Variants in RBMS3 observed in about 807,000 individuals in gnomAD.
The protein encoded by RBMS3 is RNA-binding motif, single-stranded-interacting protein 3.
Under a neutral mutation model 66.8 loss-of-function variants are expected in RBMS3, and 27 were observed. The ratio of observed to expected loss-of-function variants is 0.40; its 90% CI spans 0.30 to 0.56. The LOEUF (loss-of-function observed/expected upper bound fraction) is 0.56, where lower values mean the gene tolerates loss of function less well. Among genes scored for constraint, RBMS3 ranks in the 20% least tolerant of loss-of-function variants. The pLI is 0.40. For missense variants in RBMS3, 513 were observed against 549.5 expected, an observed-to-expected ratio of 0.93 and a Z score of 0.66; for synonymous variants, 188 against 183.0, an observed-to-expected ratio of 1.03 and a Z score of -0.22.
At chr3:29,500,324 A>G (rs2043919309) in intron 3 of RBMS3, among the ~76,000 whole-genome samples, 1 of 151,230 alleles carries the variant, frequency 6.6e-6, no homozygotes, top group Non-Finnish European at 1.5e-5. Context: ...TAACAAGTCA[A>G]AGATTCCCGT....
At chr3:29,762,877 A>G (rs1355119009) in intron 5 of RBMS3, 33 bp from the exon 6 acceptor site, 2 of 1,392,574 alleles carry the variant, frequency 1.4e-6, no homozygotes, top group South Asian at 1.2e-5. Flanking sequence ...CTTGACAACC[A>G]TATATGACCT....
intron 1 of RBMS3, among the ~76,000 whole-genome samples, chr3:29,389,379 G>T (rs1367516521): frequency 6.6e-6 from 1 of 152,148 alleles, no homozygotes; most frequent in Admixed American, 6.5e-5. Flanking sequence ...AGTGCGCTTG[G>T]CTTCTCTTGG....
intron 7 of RBMS3, among the ~76,000 whole-genome samples, chr3:29,876,742 C>T (rs1418931449): frequency 1.3e-5 from 2 of 151,876 alleles, no homozygotes; most frequent in African/African-American, 4.8e-5. Context: ...AATTTCCAGC[C>T]AAAAACCACC....
intron 5 of RBMS3, among the ~76,000 whole-genome samples, chr3:29,745,771 A>G (rs2149358007): frequency 6.6e-6 from 1 of 152,198 alleles, no homozygotes; most frequent in Non-Finnish European, 1.5e-5. Context: ...AATACTCTTA[A>G]TCTGATTCTC....
chr3:29,627,109 C>G (rs114861833), intron 4 of RBMS3, among the ~76,000 whole-genome samples: 1,584 of 152,232 alleles, frequency 0.01, 17 homozygotes, highest in Admixed American at 0.02. Context: ...GATGAAGTGA[C>G]TTCAGTTGCA....
rs182051003 is a variant in RBMS3, at chr3:29,432,644, C to T, written c.76-2099C>T. ...ATACTCATGTATGGTTTGACACATTCCCTGCTCTCAGGAAACACAGATTAC... is the reference window on the plus strand; with the variant it reads ...ATACTCATGTATGGTTTGACACATTTCCTGCTCTCAGGAAACACAGATTAC... On this transcript the variant is annotated intron_variant, in intron 1 of 14. Coordinates refer to ENST00000383767, the MANE Select transcript of RBMS3 (RefSeq NM_001003793.3). Among the ~76,000 whole-genome samples, 89 of 152,214 alleles carry T rather than the reference C, an allele frequency of 5.8e-4. 1 individual carries two copies. Among genetic ancestry groups the T allele is most frequent in the Middle Eastern group, 6.8e-3 (2 of 294 alleles).
At chr3:29,619,491 T>C (rs1165400483) in intron 4 of RBMS3, among the ~76,000 whole-genome samples, 1 of 152,098 alleles carries the variant, frequency 6.6e-6, no homozygotes, top group Non-Finnish European at 1.5e-5. Context: ...GATATAGGCA[T>C]GTAGTTGGGA....
chr3:29,855,535 T>C (rs1394417194), intron 6 of RBMS3, among the ~76,000 whole-genome samples: 4 of 152,220 alleles, frequency 2.6e-5, no homozygotes, highest in Non-Finnish European at 5.9e-5. Context: ...ATTTAGAATA[T>C]GTACAACTTG....
At chr3:29,806,315 G>T (rs565023114) in intron 6 of RBMS3, among the ~76,000 whole-genome samples, 2 of 151,918 alleles carry the variant, frequency 1.3e-5, no homozygotes, top group South Asian at 4.1e-4. Flanking sequence ...TCAGCTAAAT[G>T]ACAAAATGCT....
At chr3:29,645,442 A>C (rs893916163) in intron 4 of RBMS3, among the ~76,000 whole-genome samples, 10 of 152,234 alleles carry the variant, frequency 6.6e-5, no homozygotes, top group African/African-American at 2.4e-4. Flanking sequence ...TGTATAAGGA[A>C]CAATAATAAA....
At chr3:29,392,797 A>G (rs575425863) in intron 1 of RBMS3, among the ~76,000 whole-genome samples, 1 of 152,286 alleles carries the variant, frequency 6.6e-6, no homozygotes, top group African/African-American at 2.4e-5. Flanking sequence ...GGCAAGGATG[A>G]CAGAAGAGAA....
At chr3:29,703,890 A>G (rs9821192) in intron 4 of RBMS3, among the ~76,000 whole-genome samples, 19,412 of 152,124 alleles carry the variant, frequency 0.13, 2,695 homozygotes, top group African/African-American at 0.35. Context: ...AGCTGCTCCC[A>G]ATCACCCACA....
chr3:29,682,992 T>C (rs188567320), intron 4 of RBMS3, among the ~76,000 whole-genome samples: 2 of 152,354 alleles, frequency 1.3e-5, no homozygotes, highest in African/African-American at 2.4e-5. Flanking sequence ...GGGATAATAA[T>C]GTCCAGTTCA....
At chr3:29,365,480 A>G (rs1017619845) in intron 1 of RBMS3, among the ~76,000 whole-genome samples, 4 of 152,308 alleles carry the variant, frequency 2.6e-5, no homozygotes, top group Non-Finnish European at 5.9e-5. Context: ...ACTTCTTACA[A>G]TGGTGATTGA....
chr3:29,483,320 A>G (rs1447435640), intron 2 of RBMS3, among the ~76,000 whole-genome samples: 1 of 151,772 alleles, frequency 6.6e-6, no homozygotes, highest in African/African-American at 2.4e-5. Flanking sequence ...AAAAAAAAAA[A>G]AAAAAGAAAA....
intron 14 of RBMS3, among the ~76,000 whole-genome samples, chr3:29,992,710 TGA>T (rs1245647193): frequency 1.3e-5 from 2 of 151,632 alleles, no homozygotes; most frequent in African/African-American, 2.4e-5. Context: ...ACAAGCCGAG[TGA>T]GGGGGTCAGT....
intron 2 of RBMS3, among the ~76,000 whole-genome samples, chr3:29,437,981 A>G (rs2041462432): frequency 6.6e-6 from 1 of 151,528 alleles, no homozygotes; most frequent in East Asian, 1.9e-4. Context: ...GGCTGAAAAA[A>G]CCTTTGGTAA....
intron 6 of RBMS3, among the ~76,000 whole-genome samples, chr3:29,843,129 A>G (rs543545790): frequency 6.6e-6 from 1 of 152,374 alleles, no homozygotes; most frequent in Middle Eastern, 3.4e-3. Flanking sequence ...TGGATGATAC[A>G]TTTAAGTTCA....
chr3:29,517,317 ATATTTTTTT>A lies in RBMS3; in HGVS notation c.307+28820_307+28828del, dbSNP rs372732421. On this transcript the variant is annotated intron_variant, in intron 3 of 14. Coordinates refer to ENST00000383767, the MANE Select transcript of RBMS3 (RefSeq NM_001003793.3). ...TGTGTGTGTGTGTGTGTATATATATATATTTTTTTTTTGTTTTTTTTTTGAAACAGAGTC... is the reference window on the plus strand; with the variant it reads ...TGTGTGTGTGTGTGTGTATATATATATTTGTTTTTTTTTTGAAACAGAGTC... Among the ~76,000 whole-genome samples the A allele has an allele frequency of 3.8e-3, 485 of 129,146 alleles. 8 individuals are homozygous for A. The East Asian group carries it at 0.057, about 15-fold the overall frequency. The allele number at this position is 129,146 out of a possible 152,430, so 84.7% of individuals were successfully genotyped here.
Sources: gnomAD v4.1 joint callset for allele counts (sites outside exome capture counted in the v4.1 genomes callset) on GRCh38, gnomAD v4.1.1 for gene constraint, MANE v1.5 for transcripts, NCBI Gene and HGNC (gene_info 2026-07-23, HGNC 2026-07-21) for gene names.